The following PRKCZ variants were observed in gnomAD, a reference collection of about 807,000 sequenced individuals.
PRKCZ encodes protein kinase C zeta type.
In PRKCZ, 33 loss-of-function variants were observed where a neutral mutation model predicts 79.5. That is an observed-to-expected ratio of 0.41 (90% CI 0.31 to 0.55). The LOEUF is 0.55. Among genes scored for constraint, PRKCZ ranks in the 20% least tolerant of loss-of-function variants. PRKCZ has a pLI of 0.19. For synonymous variants in PRKCZ, 342 were observed against 320.9 expected (o/e 1.07, Z -0.70); for missense variants, 578 against 813.5 (o/e 0.71, Z 3.52).
intron 4 of PRKCZ, chr1:2,073,908 A>G: frequency 1.0e-5 from 13 of 1,288,148 alleles, no homozygotes; most frequent in Non-Finnish European, 1.3e-5. Context: ...ATCTGCGCTG[A>G]GGAGGCAGGA....
intron 9 of PRKCZ, among the ~76,000 whole-genome samples, chr1:2,155,318 A>ATGATGGTGATGACAGTG (rs1680760386): frequency 1.3e-5 from 2 of 148,716 alleles, no homozygotes; most frequent in Non-Finnish European, 3.0e-5. Context: ...TGGTGATGAC[A>ATGATGGTGATGACAGTG]GTGATGATGG....
At chr1:2,136,531 C>T (rs192315890) in intron 5 of PRKCZ, among the ~76,000 whole-genome samples, 229 of 152,162 alleles carry the variant, frequency 1.5e-3, no homozygotes, top group Middle Eastern at 3.4e-3. Context: ...GTGGCAGGCA[C>T]GGGAGAGTCC....
chr1:2,142,292 C>T (rs1451316798), intron 5 of PRKCZ: 1 of 220,608 alleles, frequency 4.5e-6, no homozygotes, highest in Non-Finnish European at 8.9e-6. Context: ...GCAGCCGAAG[C>T]GCCTCCTTTC....
Position 2,174,749 on chromosome 1 carries a change from T to G in PRKCZ, c.1406-5T>G, listed in dbSNP as rs765925178. 6.2e-7 allele frequency: 1 copy of G among 1,613,814 alleles called. No homozygotes were observed. Among genetic ancestry groups the G allele is most frequent in the East Asian group, 2.2e-5 (1 of 44,882 alleles). On this transcript the variant is annotated splice_region_variant and splice_polypyrimidine_tract_variant and intron_variant, in intron 14 of 17. Transcript: ENST00000378567. The surrounding 1 kb of genome is among the most constrained non-coding windows in gnomAD (Gnocchi z 6.2). The stretch of plus-strand genomic sequence containing the variant: ...GCAAGTCCTCACCAGGCTCCGCCCT[T>G]GCAGTGATCCTGGAGAAGCCCATCC...
intron 1 of PRKCZ, chr1:2,050,958 T>C (rs6692648): frequency 0.052 from 18,890 of 361,196 alleles, 1,152 homozygotes; most frequent in African/African-American, 0.17. Flanking sequence ...GGCCCGGTCA[T>C]TGTGGTAGAC....
At chr1:2,108,515 T>C (rs1376095671) in intron 4 of PRKCZ, among the ~76,000 whole-genome samples, 1 of 152,244 alleles carries the variant, frequency 6.6e-6, no homozygotes, top group Non-Finnish European at 1.5e-5. Context: ...TGTCCTGGGC[T>C]GGCTGCGAGG....
chr1:2,135,286 G>A lies in PRKCZ; in HGVS notation c.359G>A (p.Arg120Lys). The A allele has an allele frequency of 3.1e-6, 5 of 1,613,400 alleles. No homozygotes were observed. The highest frequency in any genetic ancestry group is 4.2e-6 in the Non-Finnish European group (5 of 1,179,828). ...EDKSIYRRGA[R>K]RWRKLYRANG... Reference sequence around the variant, plus strand: ...GAATCTATCTACCGCCGGGGAGCCAGAAGATGGAGGAAGCTGTACCGTGCC... The same window carrying A: ...GAATCTATCTACCGCCGGGGAGCCAAAAGATGGAGGAAGCTGTACCGTGCC... The change falls in exon 5 of 18, where the codon AGA becomes AAA. Residue 120 changes from arginine (R) to lysine (K), a missense_variant. By Grantham distance (26) the Arg-to-Lys change is conservative. Around this residue, in one of 4 missense-constraint regions of PRKCZ, gnomAD observed 228 missense variants for 211.6 expected, o/e 1.08. Transcript: ENST00000378567.
intron 10 of PRKCZ, among the ~76,000 whole-genome samples, chr1:2,166,827 G>A (rs959083426): frequency 6.6e-6 from 1 of 152,188 alleles, no homozygotes; most frequent in Admixed American, 6.5e-5. Flanking sequence ...AGCCACACAC[G>A]CCCCTGGCCT....
At chr1:2,066,610 G>A (rs1661142583) in intron 4 of PRKCZ, among the ~76,000 whole-genome samples, 1 of 152,222 alleles carries the variant, frequency 6.6e-6, no homozygotes, top group Non-Finnish European at 1.5e-5. Flanking sequence ...CCAACGTGTA[G>A]GGATTTCGGG....
In PRKCZ at chr1:2,173,813, G is replaced by A. The variant is rs1254188557; in HGVS notation, c.1286-84G>A. ...GCCTGGCTCACACTCGTGTCAACTGGGCATGAAAACCAACGCCAGCCAGGT... is the reference window on the plus strand; with the variant it reads ...GCCTGGCTCACACTCGTGTCAACTGAGCATGAAAACCAACGCCAGCCAGGT... On this transcript the variant is annotated intron_variant, in intron 13 of 17. Coordinates refer to ENST00000378567, the MANE Select transcript of PRKCZ (RefSeq NM_002744.6). The surrounding 1 kb of genome is among the most constrained non-coding windows in gnomAD (Gnocchi z 5.7). 19 of 1,501,286 alleles carry A rather than the reference G, an allele frequency of 1.3e-5. No individual in the cohort carries two copies. Among genetic ancestry groups the A allele is most frequent in the Middle Eastern group, 4.1e-4 (2 of 4,860 alleles). The allele number at this position is 1,501,286 out of a possible 1,614,324, so 93.0% of individuals were successfully genotyped here. A position where few individuals can be genotyped will look rare whatever the true frequency, so the allele number is the denominator to read the frequency against.
chr1:2,097,152 A>G (rs978667272), intron 4 of PRKCZ, among the ~76,000 whole-genome samples: 1 of 152,210 alleles, frequency 6.6e-6, no homozygotes, highest in Non-Finnish European at 1.5e-5. Context: ...GGCCCTTGGC[A>G]TGGCTGGGGA....
At position 2,056,338 on chromosome 1, in the gene PRKCZ, C is replaced by T. The variant is rs1660157730; in HGVS notation, c.194-146C>T. The T allele has an allele frequency of 8.6e-6, 6 of 701,210 alleles. No individual in the cohort carries two copies. In the South Asian group the frequency reaches 1.3e-4, roughly 15 times the overall value. 43.4% of individuals were successfully genotyped at this position (701,210 alleles called of 1,614,324 possible). ...CTAGTGTGGACGGCCGTCCTTGGACCTCCCGACCCTGCCAGGAGGTGGCCA... is the reference window on the plus strand; with the variant it reads ...CTAGTGTGGACGGCCGTCCTTGGACTTCCCGACCCTGCCAGGAGGTGGCCA... On this transcript the variant is annotated intron_variant, in intron 2 of 17. Coordinates refer to ENST00000378567, the MANE Select transcript of PRKCZ (RefSeq NM_002744.6).
At chr1:2,063,410 T>G (rs1660864767) in intron 4 of PRKCZ, among the ~76,000 whole-genome samples, 1 of 152,196 alleles carries the variant, frequency 6.6e-6, no homozygotes, top group African/African-American at 2.4e-5. Flanking sequence ...TCTCCTGGGC[T>G]CAAGCGATTC....
At chr1:2,068,600 G>C (rs185800569) in intron 4 of PRKCZ, among the ~76,000 whole-genome samples, 1 of 152,212 alleles carries the variant, frequency 6.6e-6, no homozygotes, top group Non-Finnish European at 1.5e-5. Context: ...GGAGGGTCAC[G>C]CTCACAGCTT....
intron 4 of PRKCZ, among the ~76,000 whole-genome samples, chr1:2,060,967 C>T (rs562416871): frequency 2.2e-4 from 33 of 152,326 alleles, no homozygotes; most frequent in African/African-American, 3.4e-4. Context: ...TGGGAGGGCA[C>T]GGTTCACTGC....
chr1:2,163,853 T>G (rs1346635457), intron 10 of PRKCZ, among the ~76,000 whole-genome samples: 1 of 151,690 alleles, frequency 6.6e-6, no homozygotes, highest in Non-Finnish European at 1.5e-5. Flanking sequence ...GAACGGAGAT[T>G]GCACCACTGC....
chr1:2,091,349 A>G (rs1214876629), intron 4 of PRKCZ, among the ~76,000 whole-genome samples: 1 of 152,094 alleles, frequency 6.6e-6, no homozygotes, highest in Non-Finnish European at 1.5e-5. Context: ...TTTGTTTTTT[A>G]ATTGTGGTAA....
intron 4 of PRKCZ, among the ~76,000 whole-genome samples, chr1:2,132,020 C>G (rs1397710887): frequency 1.3e-5 from 2 of 152,182 alleles, no homozygotes; most frequent in South Asian, 2.1e-4. Context: ...ACCGTGTTAG[C>G]CAGGATGGTC....
intron 1 of PRKCZ, among the ~76,000 whole-genome samples, chr1:2,054,656 A>G (rs1247696476): frequency 1.3e-5 from 2 of 151,732 alleles, no homozygotes. Context: ...GTGGCCTTTC[A>G]TTATGGAATT....
Sources: allele counts gnomAD v4.1 joint callset (sites outside exome capture counted in the v4.1 genomes callset), GRCh38; gene constraint gnomAD v4.1.1; regional missense constraint gnomAD v4.1.1; non-coding constraint Gnocchi (gnomAD v3.1); transcripts MANE v1.5; gene names NCBI Gene and HGNC (gene_info 2026-07-23, HGNC 2026-07-21).